The following SPECC1 variants were observed in gnomAD, a reference collection of about 807,000 sequenced individuals.
The protein encoded by SPECC1 is cytospin-B.
SPECC1 carries 62 observed loss-of-function variants against 104.1 expected under a neutral mutation model. The ratio of observed to expected loss-of-function variants is 0.60; its 90% CI spans 0.49 to 0.74. The LOEUF (loss-of-function observed/expected upper bound fraction) is 0.74, where lower values mean the gene tolerates loss of function less well. Among genes scored for constraint, SPECC1 ranks in the 30% least tolerant of loss-of-function variants. The pLI is 0.00. For missense variants in SPECC1, 1,306 were observed against 1,310.5 expected, an observed-to-expected ratio of 1.00 and a Z score of 0.05; for synonymous variants, 513 against 501.6, an observed-to-expected ratio of 1.02 and a Z score of -0.30.
intron 12 of SPECC1, among the ~76,000 whole-genome samples, chr17:20,294,711 ATGG>A (rs2041288845): frequency 6.7e-6 from 1 of 148,574 alleles, no homozygotes; most frequent in African/African-American, 2.5e-5. Context: ...GGTACTGATG[ATGG>A]TGGTGGTGGT....
intron 3 of SPECC1, among the ~76,000 whole-genome samples, chr17:20,195,506 A>G (rs1348579504): frequency 1.3e-5 from 2 of 152,206 alleles, no homozygotes; most frequent in Non-Finnish European, 2.9e-5. Context: ...TGATTTTTAT[A>G]TCAAATAAGC....
Position 20,227,401 on chromosome 17 carries a change from CTTTTA to C in SPECC1, c.1864-6_1864-2del. 1 of 1,607,774 alleles carries C rather than the reference CTTTTA, an allele frequency of 6.2e-7. No homozygotes were observed. Among genetic ancestry groups the C allele is most frequent in the Non-Finnish European group, 8.5e-7 (1 of 1,177,180 alleles). Reference sequence around the variant, plus strand: ...GTTGTTAACTGACCAAGGAACCTTCCTTTTATTTTAGGTGGAAAAGGATTATTCAT... The same window carrying C: ...GTTGTTAACTGACCAAGGAACCTTCCTTTTAGGTGGAAAAGGATTATTCAT... On this transcript the variant is annotated splice_region_variant and splice_polypyrimidine_tract_variant and intron_variant, in intron 4 of 14. Transcript: ENST00000395527.
intron 3 of SPECC1, among the ~76,000 whole-genome samples, chr17:20,189,206 A>T (rs1285186527): frequency 6.6e-6 from 1 of 151,934 alleles, no homozygotes; most frequent in Non-Finnish European, 1.5e-5. Flanking sequence ...CCTTATTCTC[A>T]GTGTTTGGTG....
chr17:20,187,150 G>A (rs1174905316), intron 3 of SPECC1, among the ~76,000 whole-genome samples: 3 of 152,030 alleles, frequency 2.0e-5, no homozygotes, highest in Admixed American at 2.0e-4. Flanking sequence ...GGTCATGTCA[G>A]CACTCAGAAT....
chr17:20,032,809 G>A (rs1005622552), intron 1 of SPECC1, among the ~76,000 whole-genome samples: 1 of 151,462 alleles, frequency 6.6e-6, no homozygotes, highest in Non-Finnish European at 1.5e-5. Flanking sequence ...TACTTCCCCC[G>A]TGATACCCCA....
At position 20,314,946 on chromosome 17, in the gene SPECC1, G is replaced by GC. The variant is rs886497901; in HGVS notation, c.*883dup. 1 of 232,320 alleles carries GC rather than the reference G, an allele frequency of 4.3e-6. No homozygotes were observed. The highest frequency in any genetic ancestry group is 2.2e-5 in the African/African-American group (1 of 45,292). The allele number at this position is 232,320 out of a possible 1,614,324, so 14.4% of individuals were successfully genotyped here. On this transcript the variant is annotated 3_prime_UTR_variant, in exon 15 of 15. Coordinates refer to ENST00000395527, the MANE Select transcript of SPECC1 (RefSeq NM_001243439.2). Reference sequence around the variant, plus strand: ...TCCCTGGGAGGTGCCCCACACCTCTGCCACCAAAGTCTGTGTGCTCCTGAG... The same window carrying GC: ...TCCCTGGGAGGTGCCCCACACCTCTGCCCACCAAAGTCTGTGTGCTCCTGAG...
intron 12 of SPECC1, among the ~76,000 whole-genome samples, chr17:20,260,614 A>G (rs561150593): frequency 9.2e-5 from 14 of 152,316 alleles, no homozygotes; most frequent in African/African-American, 3.4e-4. Context: ...TGGGCTGTCA[A>G]TGCGATAGAA....
intron 4 of SPECC1, among the ~76,000 whole-genome samples, chr17:20,212,616 A>G (rs978080386): frequency 1.3e-5 from 2 of 152,176 alleles, no homozygotes; most frequent in Admixed American, 6.5e-5. Flanking sequence ...GGTCCCTCCC[A>G]CAACATGTGG....
chr17:20,305,409 G>T (rs771427723), intron 13 of SPECC1, among the ~76,000 whole-genome samples: 1 of 152,086 alleles, frequency 6.6e-6, no homozygotes, highest in African/African-American at 2.4e-5. Flanking sequence ...ATATTAATAC[G>T]GGCACTAAAA....
intron 12 of SPECC1, among the ~76,000 whole-genome samples, chr17:20,286,154 A>G (rs778537389): frequency 3.1e-4 from 47 of 152,164 alleles, no homozygotes; most frequent in Non-Finnish European, 5.9e-4. Context: ...GGGGATGCTC[A>G]CGAGGTGACC....
intron 2 of SPECC1, among the ~76,000 whole-genome samples, chr17:20,104,763 A>G (rs1032983973): frequency 1.1e-4 from 17 of 149,256 alleles, no homozygotes; most frequent in South Asian, 6.3e-4. Context: ...AAAAAAAAAA[A>G]AAAGAAAAAA....
At chr17:20,079,852 G>A (rs1184102581) in intron 1 of SPECC1, among the ~76,000 whole-genome samples, 1 of 152,158 alleles carries the variant, frequency 6.6e-6, no homozygotes, top group East Asian at 1.9e-4. Flanking sequence ...CAGAGGGAGG[G>A]ATCCTTTCCC....
chr17:20,248,820 C>G (rs918658037), intron 9 of SPECC1, among the ~76,000 whole-genome samples: 1 of 152,002 alleles, frequency 6.6e-6, no homozygotes, highest in Non-Finnish European at 1.5e-5. Flanking sequence ...TAATAGTTAT[C>G]TTTTACTGAA....
At chr17:20,211,785 T>TA (rs1167948689) in intron 4 of SPECC1, among the ~76,000 whole-genome samples, 1 of 152,234 alleles carries the variant, frequency 6.6e-6, no homozygotes, top group Non-Finnish European at 1.5e-5. Context: ...CCCTTGCTCT[T>TA]ACCTGTGACT....
intron 1 of SPECC1, among the ~76,000 whole-genome samples, chr17:20,066,299 CTAGT>C (rs2046355846): frequency 1.3e-5 from 2 of 152,172 alleles, no homozygotes; most frequent in African/African-American, 4.8e-5. Context: ...TGCCTTTCTC[CTAGT>C]TATTTTTAGG....
At chr17:20,191,442 T>A (rs2151284159) in intron 3 of SPECC1, among the ~76,000 whole-genome samples, 1 of 152,006 alleles carries the variant, frequency 6.6e-6, no homozygotes, top group African/African-American at 2.4e-5. Flanking sequence ...ATATCTCACT[T>A]TTGTGTTAAT....
chr17:20,234,713 A>G (rs1210692204), intron 7 of SPECC1, among the ~76,000 whole-genome samples: 1 of 152,232 alleles, frequency 6.6e-6, no homozygotes, highest in Non-Finnish European at 1.5e-5. Context: ...AAGCACCTGG[A>G]TCCAGACATG....
chr17:20,010,083 G>T (rs1286894922), intron 1 of SPECC1: 1 of 152,078 alleles, frequency 6.6e-6, no homozygotes, highest in African/African-American at 2.4e-5. Flanking sequence ...ACCTGCGGGC[G>T]TGCGGAAGTA....
At chr17:20,231,966 T>C (rs776449299) in intron 6 of SPECC1, 135 bp downstream of exon 6, 25 of 1,009,028 alleles carry the variant, frequency 2.5e-5, no homozygotes, top group Non-Finnish European at 3.1e-5. Context: ...TAAATTCTTG[T>C]TGGCAGGAAG....
Sources: gnomAD v4.1 joint callset for allele counts (sites outside exome capture counted in the v4.1 genomes callset) on GRCh38, gnomAD v4.1.1 for gene constraint, MANE v1.5 for transcripts, NCBI Gene and HGNC (gene_info 2026-07-23, HGNC 2026-07-21) for gene names.